Variants in THRB observed in about 807,000 individuals in gnomAD.
THRB encodes nuclear receptor subfamily 1 group A member 2.
In THRB, 12 loss-of-function variants were observed where a neutral mutation model predicts 47.8. The ratio of observed to expected loss-of-function variants is 0.25; its 90% CI spans 0.16 to 0.41. THRB has a LOEUF of 0.41. Among genes scored for constraint, THRB ranks in the 10% least tolerant of loss-of-function variants. The pLI, the probability that THRB is intolerant of heterozygous loss-of-function variation, is 1.00. For synonymous variants in THRB, 218 were observed against 212.2 expected (o/e 1.03, Z -0.24); for missense variants, 348 against 589.2 (o/e 0.59, Z 4.24).
At chr3:24,166,375 T>TA (rs1480095786) in intron 5 of THRB, among the ~76,000 whole-genome samples, 4 of 152,218 alleles carry the variant, frequency 2.6e-5, no homozygotes, top group Non-Finnish European at 5.9e-5. Flanking sequence ...TGTAAACACT[T>TA]ACCACTTTAT....
intron 2 of THRB, among the ~76,000 whole-genome samples, chr3:24,314,929 A>T (rs1310088475): frequency 5.3e-5 from 8 of 152,202 alleles, no homozygotes; most frequent in Admixed American, 1.3e-4. Context: ...AATTCTCCTT[A>T]ACATTTTTGA....
intron 1 of THRB, among the ~76,000 whole-genome samples, chr3:24,341,102 T>G (rs1475255729): frequency 4.6e-5 from 7 of 151,040 alleles, no homozygotes; most frequent in Non-Finnish European, 4.4e-5. Context: ...GGCTTTGCTT[T>G]TGGGAGTTTT....
intron 2 of THRB, among the ~76,000 whole-genome samples, chr3:24,299,081 A>G (rs1336532027): frequency 6.6e-6 from 1 of 151,796 alleles, no homozygotes; most frequent in Non-Finnish European, 1.5e-5. Context: ...CCCCGTCTCT[A>G]CTAAAAATAC....
intron 4 of THRB, among the ~76,000 whole-genome samples, chr3:24,218,347 T>G (rs1463214652): frequency 6.8e-6 from 1 of 147,052 alleles, no homozygotes; most frequent in Non-Finnish European, 1.5e-5. Flanking sequence ...TCTCTCTTTT[T>G]TTTTTTTTTT....
chr3:24,401,482 T>C (rs910941321), intron 1 of THRB, among the ~76,000 whole-genome samples: 2 of 152,118 alleles, frequency 1.3e-5, no homozygotes, highest in African/African-American at 4.8e-5. Flanking sequence ...TATTTCGTTA[T>C]TGATTTTACT....
chr3:24,409,136 AC>A (rs2068071507), intron 1 of THRB, among the ~76,000 whole-genome samples: 1 of 151,794 alleles, frequency 6.6e-6, no homozygotes, highest in South Asian at 2.1e-4. Context: ...TGTTTTAGGT[AC>A]CCGAAATGTC....
At chr3:24,317,875 G>A (rs1174135837) in intron 2 of THRB, among the ~76,000 whole-genome samples, 1 of 152,068 alleles carries the variant, frequency 6.6e-6, no homozygotes, top group East Asian at 1.9e-4. Context: ...TGGGAAACAT[G>A]GCAAAACCTC....
intron 4 of THRB, among the ~76,000 whole-genome samples, chr3:24,228,133 C>T (rs2047862492): frequency 6.6e-6 from 1 of 152,224 alleles, no homozygotes; most frequent in African/African-American, 2.4e-5. Context: ...TAGAGAGAAC[C>T]AGAGTTCTCC....
At chr3:24,190,821 G>A (rs536129677) in intron 4 of THRB, among the ~76,000 whole-genome samples, 2 of 150,738 alleles carry the variant, frequency 1.3e-5, no homozygotes, top group East Asian at 2.0e-4. Context: ...ACGTGCTCAC[G>A]TGGCCACACC....
intron 2 of THRB, among the ~76,000 whole-genome samples, chr3:24,320,719 G>C (rs188126040): frequency 6.6e-6 from 1 of 152,190 alleles, no homozygotes; most frequent in Admixed American, 6.5e-5. Flanking sequence ...GACAAAAAAA[G>C]GGGGAGGACT....
intron 3 of THRB, among the ~76,000 whole-genome samples, chr3:24,285,812 C>A (rs2055218859): frequency 6.6e-6 from 1 of 152,108 alleles, no homozygotes; most frequent in East Asian, 1.9e-4. Context: ...AGGTTAGAGT[C>A]TTTTTAGTGC....
intron 1 of THRB, among the ~76,000 whole-genome samples, chr3:24,401,065 T>C (rs1418531867): frequency 6.6e-6 from 1 of 151,936 alleles, no homozygotes; most frequent in Non-Finnish European, 1.5e-5. Context: ...CCACCAATTA[T>C]CACATTCATA....
intron 1 of THRB, among the ~76,000 whole-genome samples, chr3:24,348,131 C>T (rs1458753412): frequency 6.6e-6 from 1 of 152,110 alleles, no homozygotes; most frequent in Non-Finnish European, 1.5e-5. Flanking sequence ...AAAAGGATAA[C>T]ACGTTAACGC....
At chr3:24,434,539 G>T (rs1577535754) in intron 1 of THRB, among the ~76,000 whole-genome samples, 1 of 152,160 alleles carries the variant, frequency 6.6e-6, no homozygotes, top group African/African-American at 2.4e-5. Flanking sequence ...CTGTGAAAAG[G>T]CTTTGCCATC....
intron 5 of THRB, among the ~76,000 whole-genome samples, chr3:24,177,917 A>T (rs2041376087): frequency 1.3e-5 from 2 of 152,220 alleles, no homozygotes; most frequent in Admixed American, 1.3e-4. Flanking sequence ...TGAGACGAGA[A>T]TAAAGTGGCT....
chr3:24,469,858 A>C (rs1415255515), intron 1 of THRB, among the ~76,000 whole-genome samples: 3 of 152,232 alleles, frequency 2.0e-5, no homozygotes, highest in Admixed American at 2.0e-4. Context: ...ATCTTTTAGA[A>C]TCTGCATAAA....
chr3:24,431,153 C>T (rs2070352343), intron 1 of THRB: 1 of 151,808 alleles, frequency 6.6e-6, no homozygotes, highest in Non-Finnish European at 1.5e-5. Flanking sequence ...ATGAAAATAA[C>T]ATATGTTCAT....
intron 1 of THRB, chr3:24,483,821 C>T (rs1696840728): frequency 6.6e-6 from 1 of 152,248 alleles, no homozygotes; most frequent in Non-Finnish European, 1.5e-5. Context: ...GCTCCCCTTT[C>T]CACAGTACAG....
At position 24,143,478 on chromosome 3, in the gene THRB, T is replaced by C. The variant is rs2035703850; in HGVS notation, c.738+23A>G. 6 of 1,611,758 alleles carry C rather than the reference T, an allele frequency of 3.7e-6. No homozygotes were observed. The East Asian group carries it at 1.3e-4, about 36-fold the overall frequency. On this transcript the variant is annotated intron_variant, in intron 8 of 10. Transcript: ENST00000646209. Reference sequence around the variant, plus strand: ...GAAAACACTGGCATATAAGTGAAACTGATCTGTGCAAGGAAGCCTTACCAG... The same window carrying C: ...GAAAACACTGGCATATAAGTGAAACCGATCTGTGCAAGGAAGCCTTACCAG...
Sources: allele counts gnomAD v4.1 joint callset (sites outside exome capture counted in the v4.1 genomes callset), GRCh38; gene constraint gnomAD v4.1.1; transcripts MANE v1.5; gene names NCBI Gene and HGNC (gene_info 2026-07-23, HGNC 2026-07-21).